The following PLCB1 variants were observed in gnomAD, a reference collection of about 807,000 sequenced individuals.
PLCB1 encodes phospholipase C beta 1, also known as 1-phosphatidylinositol 4,5-bisphosphate phosphodiesterase beta-1.
Under a neutral mutation model 161.8 loss-of-function variants are expected in PLCB1, and 46 were observed. The observed-to-expected ratio is 0.28, with a 90% CI of 0.22 to 0.36. The LOEUF is 0.36. PLCB1 is among the 10% of genes least tolerant of loss of function. PLCB1 has a pLI of 1.00. For synonymous variants in PLCB1, 517 were observed against 503.7 expected, an observed-to-expected ratio of 1.03 and a Z score of -0.35; for missense variants, 1,016 against 1,472.5, an observed-to-expected ratio of 0.69 and a Z score of 5.07.
At chr20:8,746,214 G>A (rs1457794365) in intron 23 of PLCB1, among the ~76,000 whole-genome samples, 2 of 152,190 alleles carry the variant, frequency 1.3e-5, no homozygotes, top group Admixed American at 6.5e-5. Context: ...TTACAGGTAT[G>A]AGCCACTGTG....
intron 3 of PLCB1, among the ~76,000 whole-genome samples, chr20:8,600,997 G>C (rs1426608192): frequency 7.2e-5 from 11 of 152,112 alleles, no homozygotes; most frequent in Admixed American, 7.2e-4. Flanking sequence ...TGCGCCCACT[G>C]TCTGGCACTC....
intron 2 of PLCB1, among the ~76,000 whole-genome samples, chr20:8,238,886 C>T (rs1317361286): frequency 2.6e-5 from 4 of 151,666 alleles, no homozygotes; most frequent in Middle Eastern, 3.4e-3. Flanking sequence ...ACATCAGACC[C>T]CGAGAAGCAG....
chr20:8,464,019 A>G (rs982737177), intron 3 of PLCB1, among the ~76,000 whole-genome samples: 1 of 152,148 alleles, frequency 6.6e-6, no homozygotes, highest in African/African-American at 2.4e-5. Context: ...ATTTGTTTGA[A>G]TGAAAAATGG....
intron 2 of PLCB1, among the ~76,000 whole-genome samples, chr20:8,215,134 T>A (rs896428754): frequency 5.3e-5 from 8 of 152,000 alleles, no homozygotes; most frequent in Non-Finnish European, 1.2e-4. Context: ...CTGAGAAGAT[T>A]ATTTTGTTGT....
intron 3 of PLCB1, among the ~76,000 whole-genome samples, chr20:8,388,641 T>A (rs1987500713): frequency 1.3e-5 from 2 of 152,308 alleles, no homozygotes; most frequent in South Asian, 4.1e-4. Context: ...GCTTCAGTAG[T>A]TTTTTTGGTT....
At chr20:8,386,460 C>G (rs1486948169) in intron 3 of PLCB1, among the ~76,000 whole-genome samples, 3 of 152,300 alleles carry the variant, frequency 2.0e-5, no homozygotes, top group African/African-American at 4.8e-5. Context: ...TAGGTCTCAA[C>G]AGTAAGCTTA....
chr20:8,215,627 G>A (rs945220164), intron 2 of PLCB1, among the ~76,000 whole-genome samples: 1 of 152,016 alleles, frequency 6.6e-6, no homozygotes, highest in Non-Finnish European at 1.5e-5. Flanking sequence ...CTAAGGCTAG[G>A]TTGTGAACAT....
chr20:8,571,653 G>C (rs574272081), intron 3 of PLCB1, among the ~76,000 whole-genome samples: 1 of 152,266 alleles, frequency 6.6e-6, no homozygotes, highest in East Asian at 1.9e-4. Flanking sequence ...GATGTATACT[G>C]TGTGGAGATA....
At chr20:8,530,292 G>T (rs1052020906) in intron 3 of PLCB1, among the ~76,000 whole-genome samples, 1 of 152,042 alleles carries the variant, frequency 6.6e-6, no homozygotes, top group Non-Finnish European at 1.5e-5. Context: ...ATTGGATGCA[G>T]CATTCCCTAA....
chr20:8,670,753 G>A (rs536294120), intron 9 of PLCB1, among the ~76,000 whole-genome samples: 1 of 152,228 alleles, frequency 6.6e-6, no homozygotes, highest in Admixed American at 6.5e-5. Flanking sequence ...TTTGTGCCCG[G>A]GCAAAGATAA....
Position 8,649,456 on chromosome 20 carries a change from A to C in PLCB1, c.594+7A>C. 1 of 1,593,228 alleles carries C rather than the reference A, an allele frequency of 6.3e-7. No individual in the cohort carries two copies. The highest frequency in any genetic ancestry group is 8.6e-7 in the Non-Finnish European group (1 of 1,161,064). On this transcript the variant is annotated splice_region_variant and intron_variant, in intron 7 of 31. Transcript: ENST00000338037. ...TAGTCTTCCATCTTCAAGGGTGAGC[A>C]TGTGTGTTATGCTATAGTTTGAATG...
intron 2 of PLCB1, among the ~76,000 whole-genome samples, chr20:8,180,543 G>A (rs2051830259): frequency 6.6e-6 from 1 of 152,046 alleles, no homozygotes; most frequent in South Asian, 2.1e-4. Flanking sequence ...ATATTCCCAG[G>A]GCTATATAAG....
intron 3 of PLCB1, among the ~76,000 whole-genome samples, chr20:8,415,688 C>T (rs1979238991): frequency 6.6e-6 from 1 of 152,142 alleles, no homozygotes; most frequent in Admixed American, 6.5e-5. Flanking sequence ...GAACTGTGCA[C>T]CTAAGCTGCA....
chr20:8,327,470 T>C (rs562187723), intron 2 of PLCB1, among the ~76,000 whole-genome samples: 2 of 152,316 alleles, frequency 1.3e-5, no homozygotes, highest in African/African-American at 2.4e-5. Flanking sequence ...CATGCTTAGC[T>C]GCAAGGGAAG....
chr20:8,157,345 C>A (rs2051572774), intron 2 of PLCB1, among the ~76,000 whole-genome samples: 1 of 152,118 alleles, frequency 6.6e-6, no homozygotes, highest in Admixed American at 6.5e-5. Context: ...ATGCCTTTTT[C>A]CTAAGATAGT....
chr20:8,744,391 C>G (rs1157627296), intron 23 of PLCB1, among the ~76,000 whole-genome samples: 1 of 151,974 alleles, frequency 6.6e-6, no homozygotes, highest in Non-Finnish European at 1.5e-5. Context: ...ATATTTCAGC[C>G]TACTTTTTCT....
At chr20:8,541,600 G>GAAATAAATAAATAAAT (rs1555769071) in intron 3 of PLCB1, among the ~76,000 whole-genome samples, 1 of 150,646 alleles carries the variant, frequency 6.6e-6, no homozygotes, top group Non-Finnish European at 1.5e-5. Context: ...AAGAAAGAAA[G>GAAATAAATAAATAAAT]AAAGAAAGGA....
intron 1 of PLCB1, among the ~76,000 whole-genome samples, chr20:8,136,392 C>T (rs1416382705): frequency 2.0e-5 from 3 of 152,006 alleles, no homozygotes; most frequent in East Asian, 3.9e-4. Flanking sequence ...TTTGGGAAGC[C>T]GAGGCGGGCA....
At chr20:8,656,847 A>T (rs1276054225) in intron 7 of PLCB1, among the ~76,000 whole-genome samples, 3 of 151,950 alleles carry the variant, frequency 2.0e-5, no homozygotes, top group Non-Finnish European at 4.4e-5. Flanking sequence ...CCTAGATCTA[A>T]CTTGCTTTAG....
Sources: allele counts gnomAD v4.1 joint callset (sites outside exome capture counted in the v4.1 genomes callset), GRCh38; gene constraint gnomAD v4.1.1; transcripts MANE v1.5; gene names NCBI Gene and HGNC (gene_info 2026-07-23, HGNC 2026-07-21).